ARHGAP26: variants seen among roughly 807,000 people sequenced by gnomAD.
ARHGAP26 encodes the protein Rho GTPase activating protein 26.
A neutral mutation model predicts 104.8 loss-of-function variants in ARHGAP26; 38 were observed. The ratio of observed to expected loss-of-function variants is 0.36; its 90% CI spans 0.28 to 0.48. ARHGAP26 has a LOEUF of 0.48. Among genes scored for constraint, ARHGAP26 ranks in the 20% least tolerant of loss-of-function variants. ARHGAP26 has a pLI of 0.99. For missense variants in ARHGAP26, 704 were observed against 947.9 expected, an observed-to-expected ratio of 0.74 and a Z score of 3.38; for synonymous variants, 341 against 340.0, an observed-to-expected ratio of 1.00 and a Z score of -0.03.
chr5:142,777,739 C>T (rs895270628), intron 1 of ARHGAP26, among the ~76,000 whole-genome samples: 5 of 151,924 alleles, frequency 3.3e-5, no homozygotes, highest in African/African-American at 9.7e-5. Flanking sequence ...GAGTCATTAG[C>T]GGGGAGATTG....
intron 11 of ARHGAP26, among the ~76,000 whole-genome samples, chr5:142,997,755 T>C (rs1776617287): frequency 6.6e-6 from 1 of 151,740 alleles, no homozygotes. Context: ...AGTGCTACTT[T>C]TTTTTTTTTT....
chr5:142,818,809 C>T (rs1231574683), intron 1 of ARHGAP26, among the ~76,000 whole-genome samples: 1 of 152,112 alleles, frequency 6.6e-6, no homozygotes, highest in Non-Finnish European at 1.5e-5. Flanking sequence ...TCCAGGTACC[C>T]TCCTGTTTGC....
At chr5:142,978,968 G>A (rs1020783477) in intron 11 of ARHGAP26, among the ~76,000 whole-genome samples, 7 of 152,052 alleles carry the variant, frequency 4.6e-5, no homozygotes, top group African/African-American at 7.2e-5. Flanking sequence ...AAAAGGAGGC[G>A]AAACTGTTTA....
At chr5:142,950,827 C>T (rs1243909811) in intron 11 of ARHGAP26, among the ~76,000 whole-genome samples, 2 of 152,176 alleles carry the variant, frequency 1.3e-5, no homozygotes, top group Non-Finnish European at 2.9e-5. Flanking sequence ...GAATGGGTCC[C>T]ATGGAAGGCT....
At chr5:143,078,796 T>A (rs1789402593) in intron 17 of ARHGAP26, among the ~76,000 whole-genome samples, 1 of 152,170 alleles carries the variant, frequency 6.6e-6, no homozygotes, top group African/African-American at 2.4e-5. Flanking sequence ...GCCTAAGAGG[T>A]GGAAAAATCA....
chr5:142,860,831 G>T (rs1753189874), intron 1 of ARHGAP26, among the ~76,000 whole-genome samples: 1 of 152,142 alleles, frequency 6.6e-6, no homozygotes. Context: ...ATCTGGAGGG[G>T]TTCCATTACT....
chr5:143,099,814 T>A (rs1792952167), intron 17 of ARHGAP26, among the ~76,000 whole-genome samples: 2 of 152,064 alleles, frequency 1.3e-5, no homozygotes, highest in Admixed American at 1.3e-4. Context: ...ATAGAAAAAT[T>A]CCATTGAGAC....
chr5:143,207,473 G>C (rs1440850373), intron 21 of ARHGAP26, 165 bp downstream of exon 21: 1 of 1,613,630 alleles, frequency 6.2e-7, no homozygotes, highest in Admixed American at 1.7e-5. Context: ...GAAGACTCCA[G>C]GTAAAATCTC....
intron 18 of ARHGAP26, 75 bp from the exon 19 acceptor site, chr5:143,133,892 C>T (rs1014454129): frequency 9.8e-6 from 14 of 1,424,544 alleles, no homozygotes; most frequent in Middle Eastern, 3.7e-4. Context: ...CCAAGCTTTC[C>T]GTTGTACTGC....
intron 17 of ARHGAP26, among the ~76,000 whole-genome samples, chr5:143,108,637 A>G (rs1241658470): frequency 6.6e-6 from 1 of 152,174 alleles, no homozygotes; most frequent in Non-Finnish European, 1.5e-5. Context: ...GGGTGAAAGT[A>G]CATTCCATTT....
intron 15 of ARHGAP26, among the ~76,000 whole-genome samples, chr5:143,054,758 T>G (rs1785551887): frequency 6.6e-6 from 1 of 152,212 alleles, no homozygotes; most frequent in Non-Finnish European, 1.5e-5. Context: ...CTTTGTTCTA[T>G]ATGAGAAGTA....
chr5:142,865,315 T>G (rs1042226942), intron 1 of ARHGAP26, among the ~76,000 whole-genome samples: 2 of 152,214 alleles, frequency 1.3e-5, no homozygotes, highest in Non-Finnish European at 2.9e-5. Context: ...CCTTAATTTC[T>G]TCATCTAGAA....
At chr5:143,124,330 GC>G (rs1459480780) in intron 18 of ARHGAP26, among the ~76,000 whole-genome samples, 3 of 152,374 alleles carry the variant, frequency 2.0e-5, no homozygotes, top group African/African-American at 7.2e-5. Context: ...GACGAAGAGA[GC>G]CATGAGATGT....
chr5:143,035,291 A>G (rs1782446914), intron 12 of ARHGAP26, among the ~76,000 whole-genome samples: 1 of 152,208 alleles, frequency 6.6e-6, no homozygotes, highest in South Asian at 2.1e-4. Flanking sequence ...AACCAGCCCA[A>G]ATGCCTATCA....
intron 14 of ARHGAP26, among the ~76,000 whole-genome samples, chr5:143,047,842 A>G (rs1277512039): frequency 6.6e-6 from 1 of 151,544 alleles, no homozygotes; most frequent in Non-Finnish European, 1.5e-5. Context: ...TATTATTATT[A>G]TTATTCCGCT....
chr5:143,060,151 C>T (rs1037955803), intron 17 of ARHGAP26, among the ~76,000 whole-genome samples: 4 of 152,176 alleles, frequency 2.6e-5, no homozygotes, highest in Admixed American at 2.6e-4. Context: ...TTTAGACTTA[C>T]CCTAGGCTAT....
intron 17 of ARHGAP26, among the ~76,000 whole-genome samples, chr5:143,061,503 T>C (rs921014999): frequency 1.3e-5 from 2 of 152,250 alleles, no homozygotes; most frequent in African/African-American, 4.8e-5. Flanking sequence ...AAAATACTTA[T>C]TGAGAAACAA....
intron 20 of ARHGAP26, 115 bp downstream of exon 20, chr5:143,147,496 A>C: frequency 8.1e-7 from 1 of 1,236,136 alleles, no homozygotes; most frequent in Non-Finnish European, 1.1e-6. Flanking sequence ...CATTATTTAA[A>C]CCTCCTCCCT....
intron 17 of ARHGAP26, among the ~76,000 whole-genome samples, chr5:143,093,058 G>A (rs909913920): frequency 6.6e-6 from 1 of 152,096 alleles, no homozygotes; most frequent in Admixed American, 6.6e-5. Flanking sequence ...CTGGGTTAAG[G>A]GAATTTTTAG....
Sources: gnomAD v4.1 joint callset for allele counts (sites outside exome capture counted in the v4.1 genomes callset) on GRCh38, gnomAD v4.1.1 for gene constraint, MANE v1.5 for transcripts, NCBI Gene and HGNC (gene_info 2026-07-23, HGNC 2026-07-21) for gene names.